PLCL2: variants seen among roughly 807,000 people sequenced by gnomAD.
The protein encoded by PLCL2 is phospholipase C like 2, also known as inactive phospholipase C-like protein 2.
PLCL2 carries 4 observed loss-of-function variants against 79.6 expected under a neutral mutation model. That is an observed-to-expected ratio of 0.05 (90% CI 0.02 to 0.11). PLCL2 has a LOEUF of 0.11. Ranked by LOEUF, PLCL2 falls within the 10% of genes least tolerant of loss-of-function variation. The probability of loss-of-function intolerance (pLI) is 1.00; values close to 1 mark genes in which losing one functional copy is unlikely to be tolerated. For synonymous variants in PLCL2, 484 were observed against 457.7 expected, an observed-to-expected ratio of 1.06 and a Z score of -0.73; for missense variants, 895 against 1,291.0, an observed-to-expected ratio of 0.69 and a Z score of 4.70.
At chr3:16,995,445 A>G (rs556850862) in intron 1 of PLCL2, among the ~76,000 whole-genome samples, 1 of 152,302 alleles carries the variant, frequency 6.6e-6, no homozygotes, top group Non-Finnish European at 1.5e-5. Flanking sequence ...GGCCTTCTCT[A>G]AGGAGGTGCT....
chr3:17,057,621 T>G (rs1482738036), intron 4 of PLCL2, among the ~76,000 whole-genome samples: 1 of 152,186 alleles, frequency 6.6e-6, no homozygotes, highest in Admixed American at 6.5e-5. Flanking sequence ...ACAGATAGAA[T>G]TGGCTGTCAT....
chr3:17,032,826 A>G (rs965379529), intron 3 of PLCL2, among the ~76,000 whole-genome samples: 4 of 152,188 alleles, frequency 2.6e-5, no homozygotes, highest in Non-Finnish European at 5.9e-5. Flanking sequence ...CTTGTATATG[A>G]TAAGCATATG....
At chr3:17,023,243 C>G (rs929806723) in intron 3 of PLCL2, among the ~76,000 whole-genome samples, 17 of 152,198 alleles carry the variant, frequency 1.1e-4, no homozygotes, top group African/African-American at 4.1e-4. Context: ...CCTCCTGCCT[C>G]AGAGCTGCAA....
At position 17,089,916 on chromosome 3, in the gene PLCL2, A is replaced by C. The variant is rs2065256595; in HGVS notation, c.*4A>C. 2 of 1,611,516 alleles carry C rather than the reference A, an allele frequency of 1.2e-6. No individual in the cohort carries two copies. The highest frequency in any genetic ancestry group is 2.7e-5 in the African/African-American group (2 of 74,798). ...AAACGATGAAACTGGAGAATGAGGA[A>C]ACTTACAATAAACCATTATGGAGTT... On this transcript the variant is annotated 3_prime_UTR_variant, in exon 6 of 6. Transcript: ENST00000615277.
Position 17,009,745 on chromosome 3 carries a change from C to T in PLCL2, c.399C>T (p.Ile133=), listed in dbSNP as rs762379829. 1.9e-6 allele frequency: 3 copies of T among 1,612,718 alleles called. No individual in the cohort carries two copies. Among genetic ancestry groups the T allele is most frequent in the Non-Finnish European group, 2.5e-6 (3 of 1,178,834 alleles). ...SFSSMPTEKK[I]SSASDCINSM... is the part of the protein sequence containing the mutation. ...GCAGCATGCCAACAGAGAAGAAGAT[C>T]AGCAGTGCAAGTGATTGTATTAATT... Residue 133 remains isoleucine (I), a synonymous_variant, in exon 2 of 6, where the codon ATC becomes ATT. Coordinates refer to ENST00000615277, the MANE Select transcript of PLCL2 (RefSeq NM_001144382.2). This position sits in a 1 kb window ranked among gnomAD's most constrained non-coding sequence, Gnocchi z 4.0.
chr3:17,084,680 C>T (rs780540252), intron 5 of PLCL2, among the ~76,000 whole-genome samples: 6 of 152,268 alleles, frequency 3.9e-5, no homozygotes, highest in Middle Eastern at 3.4e-3. Context: ...AGACAAAGCT[C>T]GTGGTTGTAT....
At chr3:17,001,298 A>G (rs2064208733) in intron 1 of PLCL2, among the ~76,000 whole-genome samples, 1 of 151,616 alleles carries the variant, frequency 6.6e-6, no homozygotes, top group Non-Finnish European at 1.5e-5. Flanking sequence ...GTTTGCACAT[A>G]TTTTCTCCCA....
chr3:17,072,259 A>T (rs1012536962), intron 5 of PLCL2, among the ~76,000 whole-genome samples: 1 of 152,170 alleles, frequency 6.6e-6, no homozygotes, highest in Non-Finnish European at 1.5e-5. Flanking sequence ...TTCCCAAAAG[A>T]TCCCTTTGAG....
chr3:17,064,109 T>C (rs890337750), intron 4 of PLCL2, among the ~76,000 whole-genome samples: 4 of 152,300 alleles, frequency 2.6e-5, no homozygotes, highest in South Asian at 2.1e-4. Flanking sequence ...AAAAATGAGG[T>C]GGTTACTTAA....
chr3:16,992,491 C>CAG lies in PLCL2; in HGVS notation c.328-17182_328-17181dup, dbSNP rs200726463. ...ATCTCTTCCCCATTTGTGGGCTATA[C>CAG]AGGCATTGTGGTGAGATAGGTGAGA... is the stretch of plus-strand genomic sequence containing the variant. On this transcript the variant is annotated intron_variant, in intron 1 of 5. Coordinates refer to ENST00000615277, the MANE Select transcript of PLCL2 (RefSeq NM_001144382.2). 7.1e-3 allele frequency among the ~76,000 whole-genome samples: 1,075 copies of CAG among 152,326 alleles called. 7 individuals carry two copies. Among genetic ancestry groups the CAG allele is most frequent in the Admixed American group, 0.014 (216 of 15,308 alleles).
In PLCL2 at chr3:16,886,925, C is replaced by G. The variant is rs544822388; in HGVS notation, c.327+1559C>G. 2.6e-5 allele frequency among the ~76,000 whole-genome samples: 4 copies of G among 152,172 alleles called. No homozygotes were observed. In the South Asian group the frequency reaches 8.3e-4, roughly 32 times the overall value. ...AGATACCAGCCTACCTAATTTTAAC[C>G]CCTTTCTTTTAATTGTTTTGAATAC... On this transcript the variant is annotated intron_variant, in intron 1 of 5. Coordinates refer to ENST00000615277, the MANE Select transcript of PLCL2 (RefSeq NM_001144382.2). This position sits in a 1 kb window ranked among gnomAD's most constrained non-coding sequence, Gnocchi z 4.2.
chr3:16,922,647 A>G (rs750006996), intron 1 of PLCL2, among the ~76,000 whole-genome samples: 1 of 152,206 alleles, frequency 6.6e-6, no homozygotes, highest in Non-Finnish European at 1.5e-5. Flanking sequence ...ACCAAATATC[A>G]TAATTGGGAA....
intron 1 of PLCL2, among the ~76,000 whole-genome samples, chr3:16,975,761 C>T (rs2063919418): frequency 6.6e-6 from 1 of 152,218 alleles, no homozygotes; most frequent in Admixed American, 6.5e-5. Flanking sequence ...AAAAGGAAGT[C>T]GCTGGACTGA....
chr3:17,000,307 AT>A (rs890556462), intron 1 of PLCL2, among the ~76,000 whole-genome samples: 34 of 152,180 alleles, frequency 2.2e-4, no homozygotes, highest in Middle Eastern at 3.4e-3. Flanking sequence ...ATTATCTTGT[AT>A]TTTTTTCAAT....
intron 3 of PLCL2, among the ~76,000 whole-genome samples, chr3:17,025,516 T>C (rs2064508165): frequency 6.6e-6 from 1 of 152,222 alleles, no homozygotes; most frequent in South Asian, 2.1e-4. Flanking sequence ...AAAAATGGAA[T>C]AATTTGGATG....
At chr3:16,947,753 T>C (rs974380561) in intron 1 of PLCL2, among the ~76,000 whole-genome samples, 1 of 152,192 alleles carries the variant, frequency 6.6e-6, no homozygotes, top group African/African-American at 2.4e-5. Context: ...CAGAAAGCCC[T>C]TTCATTCTTT....
At chr3:16,909,513 A>G (rs1304134862) in intron 1 of PLCL2, among the ~76,000 whole-genome samples, 3 of 152,200 alleles carry the variant, frequency 2.0e-5, no homozygotes, top group Non-Finnish European at 4.4e-5. Flanking sequence ...CTTATTAAAT[A>G]TATTTCAGGA....
At chr3:17,001,850 G>T (rs906705834) in intron 1 of PLCL2, among the ~76,000 whole-genome samples, 1 of 151,724 alleles carries the variant, frequency 6.6e-6, no homozygotes, top group Non-Finnish European at 1.5e-5. Flanking sequence ...GTCTTTTGGG[G>T]TTCCATATGA....
chr3:16,965,289 G>A (rs182056218), intron 1 of PLCL2, among the ~76,000 whole-genome samples: 532 of 152,044 alleles, frequency 3.5e-3, no homozygotes, highest in African/African-American at 0.012. Flanking sequence ...CCTTTCTCCC[G>A]TTTCTTGTTT....
Sources: allele counts gnomAD v4.1 joint callset (sites outside exome capture counted in the v4.1 genomes callset), GRCh38; gene constraint gnomAD v4.1.1; non-coding constraint Gnocchi (gnomAD v3.1); transcripts MANE v1.5; gene names NCBI Gene and HGNC (gene_info 2026-07-23, HGNC 2026-07-21).